The following MYLK variants were observed in gnomAD, a reference collection of about 807,000 sequenced individuals.
MYLK encodes myosin light chain kinase, smooth muscle.
MYLK carries 106 observed loss-of-function variants against 203.4 expected under a neutral mutation model. The observed-to-expected ratio is 0.52, with a 90% CI of 0.45 to 0.61. MYLK has a LOEUF of 0.61. MYLK is among the 20% of genes least tolerant of loss of function. The pLI is 0.00. For synonymous variants in MYLK, 867 were observed against 959.5 expected, an observed-to-expected ratio of 0.90 and a Z score of 1.78; for missense variants, 2,072 against 2,442.3, an observed-to-expected ratio of 0.85 and a Z score of 3.20.
chr3:123,772,739 G>A (rs1374049714), intron 4 of MYLK, among the ~76,000 whole-genome samples: 1 of 151,990 alleles, frequency 6.6e-6, no homozygotes, highest in East Asian at 1.9e-4. Context: ...AGAAGTTTCT[G>A]AAGTAGCCAA....
chr3:123,729,125 C>G (rs772589421), intron 11 of MYLK, among the ~76,000 whole-genome samples: 5 of 152,136 alleles, frequency 3.3e-5, no homozygotes, highest in East Asian at 1.9e-4. Flanking sequence ...AGAAGGCCCT[C>G]CTGTCTCACC....
intron 4 of MYLK, 22 bp downstream of exon 4, chr3:123,793,655 C>G (rs747430115): frequency 6.2e-7 from 1 of 1,613,852 alleles, no homozygotes; most frequent in Non-Finnish European, 8.5e-7. Context: ...CCACAGCCTC[C>G]CCATCCAGCC....
chr3:123,741,644 T>C (rs967460442), intron 5 of MYLK, among the ~76,000 whole-genome samples: 1 of 152,170 alleles, frequency 6.6e-6, no homozygotes, highest in East Asian at 1.9e-4. Flanking sequence ...TCCGTTTCTG[T>C]GACTCCATTC....
chr3:123,820,919 G>T (rs145744826), intron 3 of MYLK, among the ~76,000 whole-genome samples: 1 of 152,186 alleles, frequency 6.6e-6, no homozygotes, highest in East Asian at 1.9e-4. Context: ...AGTAGGGACA[G>T]GATTTCACCA....
At chr3:123,878,469 C>A (rs944892746) in intron 1 of MYLK, among the ~76,000 whole-genome samples, 4 of 152,222 alleles carry the variant, frequency 2.6e-5, no homozygotes, top group Admixed American at 1.3e-4. Context: ...TGGCAGTGAT[C>A]ACAGGCCAGA....
intron 2 of MYLK, among the ~76,000 whole-genome samples, chr3:123,848,804 C>G (rs1244919418): frequency 1.3e-5 from 2 of 152,196 alleles, no homozygotes; most frequent in Non-Finnish European, 2.9e-5. Flanking sequence ...GAGCCCAGGA[C>G]CCTGATGGCA....
chr3:123,879,009 G>GT (rs1423746495), intron 1 of MYLK, among the ~76,000 whole-genome samples: 2 of 152,160 alleles, frequency 1.3e-5, no homozygotes, highest in East Asian at 3.9e-4. Flanking sequence ...TTAGGCCAGA[G>GT]TTTCCTCTTC....
intron 13 of MYLK, among the ~76,000 whole-genome samples, chr3:123,710,402 G>A (rs1259347984): frequency 1.3e-5 from 2 of 152,098 alleles, no homozygotes; most frequent in Non-Finnish European, 2.9e-5. Context: ...AAAATGCTTG[G>A]CATCCCTTTA....
intron 18 of MYLK, among the ~76,000 whole-genome samples, chr3:123,698,063 G>A (rs1268410724): frequency 1.3e-5 from 2 of 152,146 alleles, no homozygotes; most frequent in African/African-American, 4.8e-5. Context: ...GCCTTACATC[G>A]CTTAGTTGAG....
Position 123,787,302 on chromosome 3 carries a change from G to C in MYLK, c.165+6375C>G, listed in dbSNP as rs369909123. On this transcript the variant is annotated intron_variant, in intron 4 of 33. Transcript: ENST00000360304. The stretch of plus-strand genomic sequence containing the variant: ...ATTCTTGATATAGGCACAGGCTGTG[G>C]AGGAGCAGGAAGCAGGTGCACAGGG... Among the ~76,000 whole-genome samples, 25 of 152,298 alleles carry C rather than the reference G, an allele frequency of 1.6e-4. No individual in the cohort carries two copies. In the South Asian group the frequency reaches 5.2e-3, roughly 32 times the overall value.
intron 13 of MYLK, among the ~76,000 whole-genome samples, chr3:123,714,304 C>T (rs1161154908): frequency 6.6e-6 from 1 of 152,196 alleles, no homozygotes; most frequent in Non-Finnish European, 1.5e-5. Context: ...TTTCCCTTGA[C>T]TGTCCTGGGA....
chr3:123,773,373 T>TACG (rs2063950874), intron 4 of MYLK, among the ~76,000 whole-genome samples: 1 of 152,230 alleles, frequency 6.6e-6, no homozygotes, highest in African/African-American at 2.4e-5. Flanking sequence ...TGTCAAAACT[T>TACG]TTAAAGTAAG....
intron 32 of MYLK, 44 bp from the exon 33 acceptor site, chr3:123,618,814 T>A (rs77062000): frequency 6.2e-7 from 1 of 1,612,916 alleles, no homozygotes; most frequent in East Asian, 2.2e-5. Context: ...TCACTCGTTG[T>A]TCTCGCCTCG....
intron 3 of MYLK, among the ~76,000 whole-genome samples, chr3:123,807,918 T>C (rs2065427070): frequency 6.6e-6 from 1 of 152,238 alleles, no homozygotes; most frequent in Non-Finnish European, 1.5e-5. Context: ...ACAAGCTCTA[T>C]GTTTCCACAT....
intron 3 of MYLK, among the ~76,000 whole-genome samples, chr3:123,827,739 A>G (rs1463195864): frequency 1.8e-5 from 2 of 113,012 alleles, no homozygotes; most frequent in Non-Finnish European, 1.8e-5. Context: ...ATATATATAT[A>G]TATATATATA....
intron 2 of MYLK, chr3:123,835,877 C>T (rs998318651): frequency 2.0e-5 from 3 of 152,216 alleles, no homozygotes; most frequent in Non-Finnish European, 4.4e-5. Context: ...CCTTGTTTGA[C>T]TGTAGGTCAT....
chr3:123,691,145 C>T (rs531857157), intron 19 of MYLK: 4 of 152,294 alleles, frequency 2.6e-5, no homozygotes, highest in East Asian at 1.9e-4. Context: ...TTCACTAGCT[C>T]GGGAACCAGT....
At chr3:123,683,327 C>T (rs1430470695) in intron 19 of MYLK, among the ~76,000 whole-genome samples, 5 of 152,098 alleles carry the variant, frequency 3.3e-5, no homozygotes, top group Admixed American at 6.5e-5. Flanking sequence ...GCAGAGGCTC[C>T]GCCACATTCC....
chr3:123,748,841 T>C (rs915770927), intron 5 of MYLK, among the ~76,000 whole-genome samples: 6 of 151,904 alleles, frequency 3.9e-5, no homozygotes, highest in Admixed American at 2.6e-4. Context: ...GAGGCTGAGG[T>C]AGGCGGATCA....
Sources: gnomAD v4.1 joint callset for allele counts (sites outside exome capture counted in the v4.1 genomes callset) on GRCh38, gnomAD v4.1.1 for gene constraint, MANE v1.5 for transcripts, NCBI Gene and HGNC (gene_info 2026-07-23, HGNC 2026-07-21) for gene names.